PARPBP: variants seen among roughly 807,000 people sequenced by gnomAD.
The protein encoded by PARPBP is PARP1 binding protein, also known as PCNA-interacting partner.
In PARPBP, 52 loss-of-function variants were observed where a neutral mutation model predicts 50.0. That is an observed-to-expected ratio of 1.04 (90% confidence interval 0.83 to 1.31). PARPBP has a LOEUF of 1.31. PARPBP is among the 50% of genes most tolerant of loss of function. The pLI, the probability that PARPBP is intolerant of heterozygous loss-of-function variation, is 0.00. For synonymous variants in PARPBP, 244 were observed against 232.1 expected (o/e 1.05, Z -0.47); for missense variants, 697 against 672.0 (o/e 1.04, Z -0.41).
At chr12:102,170,069 A>G (rs1383873319) in intron 6 of PARPBP, among the ~76,000 whole-genome samples, 1 of 152,322 alleles carries the variant, frequency 6.6e-6, no homozygotes, top group East Asian at 1.9e-4. Context: ...TCATGAGGCC[A>G]TCTTAGCTAT....
chr12:102,177,098 A>C (rs1397374194), intron 7 of PARPBP, among the ~76,000 whole-genome samples: 2 of 152,238 alleles, frequency 1.3e-5, no homozygotes, highest in African/African-American at 2.4e-5. Flanking sequence ...CTATTAAGGA[A>C]TATGGAATTC....
At chr12:102,130,347 A>T (rs538991156) in intron 2 of PARPBP, among the ~76,000 whole-genome samples, 81 of 152,340 alleles carry the variant, frequency 5.3e-4, no homozygotes, top group Non-Finnish European at 1.1e-3. Context: ...TTCATGATGA[A>T]GATGCCAAAA....
chr12:102,159,223 T>C (rs1237702090), intron 4 of PARPBP, among the ~76,000 whole-genome samples: 1 of 152,148 alleles, frequency 6.6e-6, no homozygotes, highest in Non-Finnish European at 1.5e-5. Flanking sequence ...CTCCGCCTCC[T>C]GGGTTCAAGC....
chr12:102,131,085 G>A (rs914203215), intron 2 of PARPBP, among the ~76,000 whole-genome samples: 2 of 152,116 alleles, frequency 1.3e-5, no homozygotes, highest in Admixed American at 6.5e-5. Flanking sequence ...AGCACTTTGG[G>A]AGGCCAAGGT....
intron 3 of PARPBP, among the ~76,000 whole-genome samples, chr12:102,151,100 A>G (rs1181509288): frequency 2.3e-5 from 3 of 130,524 alleles, no homozygotes; most frequent in Non-Finnish European, 4.9e-5. Context: ...CAGCCAGAGA[A>G]GGATGAGTTA....
chr12:102,138,747 C>G (rs1254581788), intron 2 of PARPBP, among the ~76,000 whole-genome samples: 3 of 152,162 alleles, frequency 2.0e-5, no homozygotes, highest in Non-Finnish European at 2.9e-5. Flanking sequence ...AATAGGGAAT[C>G]TTTTCCCGAT....
At chr12:102,148,846 T>G (rs1885793392) in intron 3 of PARPBP, 1 of 165,716 alleles carries the variant, frequency 6.0e-6, no homozygotes, top group Non-Finnish European at 1.3e-5. Flanking sequence ...GTGTGACTTT[T>G]TCTATGGATT....
At chr12:102,169,780 A>G (rs1051116105) in intron 6 of PARPBP, among the ~76,000 whole-genome samples, 2 of 152,118 alleles carry the variant, frequency 1.3e-5, no homozygotes, top group Non-Finnish European at 2.9e-5. Context: ...CAGTGATTCC[A>G]TATTTGGTAC....
At chr12:102,123,804 A>C (rs1369584538) in intron 1 of PARPBP, 82 bp from the exon 2 acceptor site, 1 of 831,302 alleles carries the variant, frequency 1.2e-6, no homozygotes, top group Admixed American at 2.7e-5. Context: ...GTTTTTCTCT[A>C]TCTGTGCTTG....
intron 2 of PARPBP, among the ~76,000 whole-genome samples, chr12:102,140,987 T>A (rs1884495093): frequency 1.3e-5 from 2 of 152,236 alleles, no homozygotes; most frequent in African/African-American, 4.8e-5. Flanking sequence ...GTTCTGTAGA[T>A]GTCTATTAGG....
chr12:102,170,470 C>T (rs1408958024), intron 6 of PARPBP, among the ~76,000 whole-genome samples: 1 of 152,162 alleles, frequency 6.6e-6, no homozygotes, highest in Non-Finnish European at 1.5e-5. Flanking sequence ...GCAATTGTAA[C>T]ACAATGGTAT....
chr12:102,150,179 A>G, intron 3 of PARPBP: 2 of 451,604 alleles, frequency 4.4e-6, no homozygotes, highest in South Asian at 3.2e-5. Context: ...AGCTGCTAAG[A>G]TGGTAGTACA....
At chr12:102,130,511 A>T (rs1221200558) in intron 2 of PARPBP, among the ~76,000 whole-genome samples, 1 of 152,176 alleles carries the variant, frequency 6.6e-6, no homozygotes, top group African/African-American at 2.4e-5. Context: ...TCTGATATCT[A>T]GTATCTATAA....
chr12:102,162,327 C>T (rs1887687195), intron 4 of PARPBP, among the ~76,000 whole-genome samples: 1 of 152,114 alleles, frequency 6.6e-6, no homozygotes, highest in East Asian at 1.9e-4. Context: ...ACTGAAATTA[C>T]TGAAGGATTT....
chr12:102,189,192 G>T (rs1344592836), intron 9 of PARPBP, among the ~76,000 whole-genome samples: 2 of 152,198 alleles, frequency 1.3e-5, no homozygotes, highest in Non-Finnish European at 2.9e-5. Flanking sequence ...AGAGAGGGTG[G>T]ACAAATGCAG....
intron 2 of PARPBP, among the ~76,000 whole-genome samples, chr12:102,125,351 C>T (rs1019384621): frequency 8.5e-5 from 13 of 152,090 alleles, no homozygotes; most frequent in African/African-American, 3.1e-4. Context: ...ATAAAACATG[C>T]GACTAAGGAA....
intron 2 of PARPBP, among the ~76,000 whole-genome samples, chr12:102,142,271 A>G (rs768534751): frequency 3.3e-5 from 5 of 152,114 alleles, no homozygotes; most frequent in Non-Finnish European, 5.9e-5. Flanking sequence ...CTTCCACTTG[A>G]TGAATCAGCC....
rs181319831 is a variant in PARPBP, at chr12:102,120,929, G to A, written c.-4+643G>A. Among the ~76,000 whole-genome samples, 20 of 152,332 alleles carry A rather than the reference G, an allele frequency of 1.3e-4. No homozygotes were observed. In the East Asian group the frequency reaches 3.5e-3, roughly 26 times the overall value. ...TCAACCATTTCACACTGCCTGCCCA[G>A]TGACAATTTTCTGTCTCACAGTTTT... On this transcript the variant is annotated intron_variant, in intron 1 of 10. Transcript: ENST00000327680.
intron 2 of PARPBP, among the ~76,000 whole-genome samples, chr12:102,142,460 T>C (rs1376512990): frequency 6.6e-6 from 1 of 152,176 alleles, no homozygotes; most frequent in Non-Finnish European, 1.5e-5. Context: ...AAGTTTGTTA[T>C]TACCAATCGT....
Sources: allele counts gnomAD v4.1 joint callset (sites outside exome capture counted in the v4.1 genomes callset), GRCh38; gene constraint gnomAD v4.1.1; transcripts MANE v1.5; gene names NCBI Gene and HGNC (gene_info 2026-07-23, HGNC 2026-07-21).